PFKP: variants seen among roughly 807,000 people sequenced by gnomAD.
PFKP encodes phosphofructokinase, platelet.
PFKP carries 101 observed loss-of-function variants against 94.3 expected under a neutral mutation model. The observed-to-expected ratio is 1.07, with a 90% confidence interval of 0.91 to 1.26. The LOEUF (loss-of-function observed/expected upper bound fraction) is 1.26. PFKP is among the 50% of genes most tolerant of loss of function. PFKP has a pLI of 0.00. For synonymous variants in PFKP, 573 were observed against 432.6 expected (o/e 1.32, Z -4.03); for missense variants, 1,145 against 1,103.3 (o/e 1.04, Z -0.53).
chr10:3,112,021 G>A (rs185148004), intron 10 of PFKP, among the ~76,000 whole-genome samples: 363 of 152,210 alleles, frequency 2.4e-3, no homozygotes, highest in African/African-American at 8.3e-3. Context: ...CCTCACAGCC[G>A]GGCCGTGTGG....
chr10:3,118,659 T>A, intron 14 of PFKP, 123 bp from the exon 15 acceptor site: 1 of 643,186 alleles, frequency 1.6e-6, no homozygotes, highest in Non-Finnish European at 2.8e-6. Context: ...AAGGCAGACG[T>A]TTACCGCTCC....
At chr10:3,082,296 T>G in intron 1 of PFKP, 92 bp from the exon 2 acceptor site, 1 of 822,406 alleles carries the variant, frequency 1.2e-6, no homozygotes, top group Non-Finnish European at 2.0e-6. Context: ...CATTGAGAGG[T>G]TAGGAAACGG....
At chr10:3,134,127 G>C (rs77832195) in intron 19 of PFKP, among the ~76,000 whole-genome samples, 1 of 152,192 alleles carries the variant, frequency 6.6e-6, no homozygotes, top group Non-Finnish European at 1.5e-5. Flanking sequence ...TGATGAAATA[G>C]TAGGCATATG....
At chr10:3,087,153 T>C (rs1833667107) in intron 2 of PFKP, among the ~76,000 whole-genome samples, 1 of 152,144 alleles carries the variant, frequency 6.6e-6, no homozygotes, top group Non-Finnish European at 1.5e-5. Context: ...GAGACGGGGT[T>C]TCAACATGTT....
chr10:3,127,947 AGT>A (rs1009569111), intron 16 of PFKP, among the ~76,000 whole-genome samples: 1 of 152,252 alleles, frequency 6.6e-6, no homozygotes, highest in Non-Finnish European at 1.5e-5. Context: ...GAAGTGCTCA[AGT>A]GAACATTTCC....
intron 13 of PFKP, among the ~76,000 whole-genome samples, chr10:3,116,461 A>T (rs190238044): frequency 6.6e-6 from 1 of 152,130 alleles, no homozygotes. Flanking sequence ...AGAAACCATC[A>T]TGTTACTTTT....
chr10:3,083,614 G>A (rs991948660), intron 2 of PFKP, among the ~76,000 whole-genome samples: 13 of 151,064 alleles, frequency 8.6e-5, no homozygotes, highest in South Asian at 4.2e-4. Context: ...TTTTCACTAC[G>A]TAGGTTTCAC....
At chr10:3,092,650 A>G (rs2131487591) in intron 2 of PFKP, among the ~76,000 whole-genome samples, 1 of 151,754 alleles carries the variant, frequency 6.6e-6, no homozygotes, top group East Asian at 1.9e-4. Context: ...CCCCACAAAT[A>G]TGTAAAATTA....
At chr10:3,136,335 C>T in intron 21 of PFKP, 115 bp from the exon 22 acceptor site, 1 of 1,026,002 alleles carries the variant, frequency 9.7e-7, no homozygotes, top group East Asian at 2.5e-5. Context: ...CTAGTTGATT[C>T]AGCCGACCCT....
intron 13 of PFKP, among the ~76,000 whole-genome samples, chr10:3,115,434 GGA>G (rs1360108622): frequency 0.6 from 46,975 of 77,940 alleles, 19,123 homozygotes; most frequent in East Asian, 0.86. Context: ...ATGGAGGACA[GGA>G]CTGGGGATGC....
Position 3,133,233 on chromosome 10 carries a change from C to T in PFKP, c.1941C>T (p.Thr647=), listed in dbSNP as rs372641882. The T allele has an allele frequency of 2.7e-5, 43 of 1,613,818 alleles. No individual in the cohort carries two copies. Among genetic ancestry groups the T allele is most frequent in the African/African-American group, 1.1e-4 (8 of 74,884 alleles). ...AGAGCTGCAGTGAAAACTACACCACCGACTTCATTTACCAGCTGTATTCAG... is the reference window on the plus strand; with the variant it reads ...AGAGCTGCAGTGAAAACTACACCACTGACTTCATTTACCAGCTGTATTCAG... ...RNESCSENYT[T]DFIYQLYSEE... Residue 647 remains threonine, a synonymous_variant, in exon 19 of 22, where the codon ACC becomes ACT. Coordinates refer to ENST00000381125, the MANE Select transcript of PFKP (RefSeq NM_002627.5).
chr10:3,109,608 A>G, intron 10 of PFKP, 128 bp downstream of exon 10: 1 of 1,148,844 alleles, frequency 8.7e-7, no homozygotes, highest in Non-Finnish European at 1.2e-6. Flanking sequence ...TCTGAGAAGG[A>G]GGTGAGCTGC....
In PFKP at chr10:3,116,773, T is replaced by C. The variant is rs756759134; in HGVS notation, c.1372-3T>C. The C allele has an allele frequency of 6.2e-7, 1 of 1,612,222 alleles. No homozygotes were observed. The highest frequency in any genetic ancestry group is 1.7e-5 in the Admixed American group (1 of 60,032). ...GCTGTTTCGTTCTGTGTTTGCACAT[T>C]AGATCAAAGAAATCGGCTGGACAGA... is the stretch of plus-strand genomic sequence containing the variant. On this transcript the variant is annotated splice_region_variant and splice_polypyrimidine_tract_variant and intron_variant, in intron 13 of 21. Coordinates refer to ENST00000381125, the MANE Select transcript of PFKP (RefSeq NM_002627.5).
At chr10:3,105,282 C>A (rs1385514019) in intron 6 of PFKP, 111 bp from the exon 7 acceptor site, 3 of 1,293,946 alleles carry the variant, frequency 2.3e-6, no homozygotes, top group Non-Finnish European at 2.2e-6. Context: ...GCCGGCATCC[C>A]GCTTCATACC....
chr10:3,106,406 A>G (rs7342001), intron 7 of PFKP, among the ~76,000 whole-genome samples: 10,002 of 123,510 alleles, frequency 0.081, 661 homozygotes, highest in South Asian at 0.19. Flanking sequence ...GGCAGAAAGC[A>G]TGGCGTGCAC....
intron 6 of PFKP, 24 bp downstream of exon 6, chr10:3,105,183 T>C (rs1245116954): frequency 6.2e-7 from 1 of 1,608,594 alleles, no homozygotes; most frequent in South Asian, 1.1e-5. Context: ...GTGGGTCCGG[T>C]GGACGCGGTT....
intron 18 of PFKP, among the ~76,000 whole-genome samples, chr10:3,132,916 A>C (rs1468946351): frequency 1.3e-5 from 2 of 149,460 alleles, no homozygotes; most frequent in Non-Finnish European, 3.0e-5. Flanking sequence ...GTGGGACAGC[A>C]AGAGAGCACG....
intron 16 of PFKP, among the ~76,000 whole-genome samples, chr10:3,123,297 C>T (rs1206033261): frequency 1.3e-5 from 2 of 152,224 alleles, no homozygotes; most frequent in South Asian, 2.1e-4. Flanking sequence ...TCAGCTGCCG[C>T]GAAGGTGGCA....
chr10:3,107,743 C>T (rs977499910), intron 8 of PFKP: 6 of 835,834 alleles, frequency 7.2e-6, no homozygotes, highest in Non-Finnish European at 7.9e-6. Flanking sequence ...CAGCTGAGCA[C>T]ATTCTTACAA....
Sources: allele counts gnomAD v4.1 joint callset (sites outside exome capture counted in the v4.1 genomes callset), GRCh38; gene constraint gnomAD v4.1.1; transcripts MANE v1.5; gene names NCBI Gene and HGNC (gene_info 2026-07-23, HGNC 2026-07-21).